The following EPB41 variants were observed in gnomAD, a reference collection of about 807,000 sequenced individuals.
The protein encoded by EPB41 is erythrocyte membrane protein band 4.1.
A neutral mutation model predicts 108.0 loss-of-function variants in EPB41; 65 were observed. The observed-to-expected ratio is 0.60, with a 90% CI of 0.49 to 0.74. The LOEUF (loss-of-function observed/expected upper bound fraction) is 0.74. Ranked by LOEUF, EPB41 falls within the 30% of genes least tolerant of loss-of-function variation. The pLI is 0.00. For missense variants in EPB41, 875 were observed against 1,037.0 expected (o/e 0.84, Z 2.15); for synonymous variants, 336 against 358.9 (o/e 0.94, Z 0.72).
intron 15 of EPB41, among the ~76,000 whole-genome samples, chr1:29,062,701 C>G (rs1257332138): frequency 6.6e-6 from 1 of 151,660 alleles, no homozygotes; most frequent in Non-Finnish European, 1.5e-5. Context: ...ACCCCGCCCC[C>G]ACTAATGCTT....
In EPB41 at chr1:29,115,409, A is replaced by T. The variant is rs947406347; in HGVS notation, c.2497-290A>T. Among the ~76,000 whole-genome samples the T allele has an allele frequency of 3.3e-5, 5 of 150,046 alleles. No homozygotes were observed. Among genetic ancestry groups the T allele is most frequent in the South Asian group, 4.2e-4 (2 of 4,742 alleles). On this transcript the variant is annotated intron_variant, in intron 19 of 20. Transcript: ENST00000343067. This position sits in a 1 kb window ranked among gnomAD's most constrained non-coding sequence, Gnocchi z 4.4. Reference sequence around the variant, plus strand: ...CTCCATCTCAACAACAACAAAAAATAAAAAAAAAATAAAGGATCATATAAC... The same window carrying T: ...CTCCATCTCAACAACAACAAAAAATTAAAAAAAAATAAAGGATCATATAAC...
In EPB41 at chr1:29,112,422, G is replaced by A. The variant is rs1324804153; in HGVS notation, c.2470G>A (p.Gly824Arg). The A allele has an allele frequency of 4.3e-6, 7 of 1,613,912 alleles. No individual in the cohort carries two copies. The highest frequency in any genetic ancestry group is 5.9e-6 in the Non-Finnish European group (7 of 1,180,006). ...TATTGAAAAGAGAATTGTGATCACA[G>A]GAGATGCTGATATTGACCATGATCA... The part of the protein sequence containing the change: ...TRIEKRIVIT[G>R]DADIDHDQVL... The change falls in exon 19 of 21, where the codon GGA becomes AGA. Residue 824 changes from glycine (G) to arginine (R), a missense_variant. Physicochemically the swap from Gly to Arg is moderately radical, Grantham distance 125. Coordinates refer to ENST00000343067, the MANE Select transcript of EPB41 (RefSeq NM_001376013.1).
chr1:28,961,340 G>A (rs2095204928), intron 1 of EPB41, among the ~76,000 whole-genome samples: 1 of 152,146 alleles, frequency 6.6e-6, no homozygotes, highest in African/African-American at 2.4e-5. Context: ...AAGGTGTTAA[G>A]TGCTCTCCGA....
At chr1:28,932,398 C>T (rs986079398) in intron 1 of EPB41, among the ~76,000 whole-genome samples, 3 of 98 alleles carry the variant, frequency 0.031, no homozygotes, top group African/African-American at 0.094. Context: ...GCTGGGATTA[C>T]AGGCATGAGC....
intron 16 of EPB41, among the ~76,000 whole-genome samples, chr1:29,077,276 A>T (rs1573620252): frequency 6.6e-6 from 1 of 152,088 alleles, no homozygotes; most frequent in African/African-American, 2.4e-5. Context: ...GGTTCAATTA[A>T]AAGCTCTTAT....
In EPB41 at chr1:29,053,100, A is replaced by G; in HGVS notation, c.1637-4A>G. ...TATGCTTCCCTTTTCCCTTTCTCAC[A>G]TAGCAGCAGCTGTCGATTCGGCAGA... On this transcript the variant is annotated splice_polypyrimidine_tract_variant and splice_region_variant and intron_variant, in intron 11 of 20. Coordinates refer to ENST00000343067, the MANE Select transcript of EPB41 (RefSeq NM_001376013.1). 2 of 1,613,820 alleles carry G rather than the reference A, an allele frequency of 1.2e-6. No individual in the cohort carries two copies. The highest frequency in any genetic ancestry group is 1.7e-6 in the Non-Finnish European group (2 of 1,180,020).
At chr1:29,066,276 G>A (rs750744512) in intron 16 of EPB41, among the ~76,000 whole-genome samples, 5 of 151,900 alleles carry the variant, frequency 3.3e-5, no homozygotes, top group South Asian at 2.1e-4. Context: ...AAAATTAGCC[G>A]GGCATGGTGG....
chr1:29,016,060 G>A (rs1007225658), intron 6 of EPB41, among the ~76,000 whole-genome samples: 3 of 152,176 alleles, frequency 2.0e-5, no homozygotes, highest in African/African-American at 7.2e-5. Context: ...GCTTCTACCA[G>A]CACCCTCCAA....
At chr1:29,037,745 C>T (rs1640041597) in intron 10 of EPB41, among the ~76,000 whole-genome samples, 1 of 152,000 alleles carries the variant, frequency 6.6e-6, no homozygotes, top group South Asian at 2.1e-4. Context: ...CCATATTGAC[C>T]AGGCTGGTCT....
rs1308539058 is a variant in EPB41, at chr1:29,119,844, A to AT, written c.*3033dup. The AT allele has an allele frequency of 1.3e-5, 2 of 152,622 alleles. No individual in the cohort carries two copies. The highest frequency in any genetic ancestry group is 1.3e-4 in the Admixed American group (2 of 15,288). The allele number at this position is 152,622 out of a possible 1,614,324, so 9.5% of individuals were successfully genotyped here. On this transcript the variant is annotated 3_prime_UTR_variant, in exon 21 of 21. Coordinates refer to ENST00000343067, the MANE Select transcript of EPB41 (RefSeq NM_001376013.1). ...AATTTTTTTTAAAATTATGAATCAT[A>AT]TCAAGTAGTTGTTTACATTTCTTGA...
rs959942729 is a variant in EPB41, at chr1:28,942,769, C to G, written c.-8+28001C>G. 4.6e-5 allele frequency among the ~76,000 whole-genome samples: 7 copies of G among 152,162 alleles called. No individual in the cohort carries two copies. In the East Asian group the frequency reaches 1.3e-3, roughly 29 times the overall value. On this transcript the variant is annotated intron_variant, in intron 1 of 20. Transcript: ENST00000343067. ...TGGTGGCACTGAAAGTTCTAACCCT[C>G]TAATCACATGGTTGGTTCCCCTGGC... is the stretch of plus-strand genomic sequence containing the variant.
At position 29,042,018 on chromosome 1, in the gene EPB41, A is replaced by G. The variant is rs1420858473; in HGVS notation, c.1636+2592A>G. On this transcript the variant is annotated intron_variant, in intron 11 of 20. Transcript: ENST00000343067. ...TTTTTCTGGCTGTAACATTTGTATC[A>G]TCTGGAACCATGCTACTATATTCTG... 2.6e-5 allele frequency among the ~76,000 whole-genome samples: 4 copies of G among 152,196 alleles called. No individual in the cohort carries two copies. The East Asian group carries it at 7.7e-4, about 29-fold the overall frequency.
At chr1:28,890,196 C>T (rs2089971318) in intron 1 of EPB41, among the ~76,000 whole-genome samples, 1 of 151,964 alleles carries the variant, frequency 6.6e-6, no homozygotes, top group Non-Finnish European at 1.5e-5. Context: ...TGCCACCATG[C>T]CTGGCTAATT....
intron 1 of EPB41, among the ~76,000 whole-genome samples, chr1:28,970,074 T>C (rs1351863362): frequency 6.6e-6 from 1 of 152,248 alleles, no homozygotes; most frequent in African/African-American, 2.4e-5. Flanking sequence ...ATAATTTTAT[T>C]GAATACTTTC....
chr1:29,116,065 A>G (rs541905507), intron 20 of EPB41, among the ~76,000 whole-genome samples: 1 of 151,578 alleles, frequency 6.6e-6, no homozygotes, highest in African/African-American at 2.4e-5. Context: ...CTACCCTCTG[A>G]GTCTTCATGC....
chr1:28,953,902 C>T (rs927597093), intron 1 of EPB41, among the ~76,000 whole-genome samples: 1 of 152,102 alleles, frequency 6.6e-6, no homozygotes. Flanking sequence ...ATGTCAAGGT[C>T]GAGTCTGAGA....
chr1:28,969,717 G>A (rs1288035478), intron 1 of EPB41, among the ~76,000 whole-genome samples: 4 of 152,046 alleles, frequency 2.6e-5, no homozygotes, highest in East Asian at 1.9e-4. Context: ...GGCTAACACG[G>A]TGAAACTCCG....
chr1:28,983,705 C>T (rs1323240122), intron 1 of EPB41, among the ~76,000 whole-genome samples: 1 of 152,200 alleles, frequency 6.6e-6, no homozygotes, highest in Non-Finnish European at 1.5e-5. Flanking sequence ...GGCCTCACAG[C>T]AGTATCCAGG....
At chr1:28,960,589 A>G (rs940216038) in intron 1 of EPB41, among the ~76,000 whole-genome samples, 4 of 151,306 alleles carry the variant, frequency 2.6e-5, no homozygotes, top group Non-Finnish European at 4.4e-5. Context: ...AAAACTTAAA[A>G]AAAAAATCAG....
Sources: allele counts gnomAD v4.1 joint callset (sites outside exome capture counted in the v4.1 genomes callset), GRCh38; gene constraint gnomAD v4.1.1; non-coding constraint Gnocchi (gnomAD v3.1); transcripts MANE v1.5; gene names NCBI Gene and HGNC (gene_info 2026-07-23, HGNC 2026-07-21).